FOXP1: variants seen among roughly 807,000 people sequenced by gnomAD.
FOXP1 encodes the protein forkhead box P1, also known as forkhead box protein P1.
Under a neutral mutation model 98.2 loss-of-function variants are expected in FOXP1, and 15 were observed. The observed-to-expected ratio is 0.15, with a 90% CI of 0.10 to 0.24. The LOEUF (loss-of-function observed/expected upper bound fraction) is 0.24. Among genes scored for constraint, FOXP1 ranks in the 10% least tolerant of loss-of-function variants. The pLI is 1.00. For synonymous variants in FOXP1, 371 were observed against 314.5 expected, an observed-to-expected ratio of 1.18 and a Z score of -1.90; for missense variants, 633 against 848.5, an observed-to-expected ratio of 0.75 and a Z score of 3.15.
chr3:70,989,087 T>G (rs993123025), intron 13 of FOXP1, among the ~76,000 whole-genome samples: 1 of 152,160 alleles, frequency 6.6e-6, no homozygotes, highest in Non-Finnish European at 1.5e-5. Flanking sequence ...CTTAAATCCT[T>G]TAAAAATAAA....
intron 5 of FOXP1, among the ~76,000 whole-genome samples, chr3:71,260,692 G>A (rs757618447): frequency 1.3e-5 from 2 of 151,994 alleles, no homozygotes; most frequent in Non-Finnish European, 2.9e-5. Flanking sequence ...ACAGGCGCAC[G>A]TCACCATGCC....
chr3:71,014,978 T>A (rs943222711), intron 12 of FOXP1, among the ~76,000 whole-genome samples: 4 of 141,980 alleles, frequency 2.8e-5, no homozygotes, highest in African/African-American at 1.0e-4. Flanking sequence ...ACATCACACA[T>A]CAGGGCCTGT....
intron 3 of FOXP1, among the ~76,000 whole-genome samples, chr3:71,486,770 T>C (rs1454129377): frequency 6.6e-6 from 1 of 152,212 alleles, no homozygotes; most frequent in Non-Finnish European, 1.5e-5. Context: ...TTTGCTTCTG[T>C]GCATTACTTG....
chr3:71,198,432 G>GGGGCCCCCCCCC, intron 5 of FOXP1, 40 bp from the exon 6 acceptor site: 1 of 491,034 alleles, frequency 2.0e-6, no homozygotes, highest in Non-Finnish European at 4.0e-6. Context: ...GGGAGGGGGG[G>GGGGCCCCCCCCC]AGAAAAAAAA....
At chr3:70,990,995 G>C (rs776550531) in intron 13 of FOXP1, among the ~76,000 whole-genome samples, 33 of 151,720 alleles carry the variant, frequency 2.2e-4, no homozygotes, top group Non-Finnish European at 1.6e-4. Flanking sequence ...ATGAGGTCTT[G>C]CACATAACAA....
chr3:71,323,220 C>T (rs1048688925), intron 4 of FOXP1, among the ~76,000 whole-genome samples: 1 of 152,116 alleles, frequency 6.6e-6, no homozygotes, highest in Non-Finnish European at 1.5e-5. Flanking sequence ...CCGCCCGCCT[C>T]GGCCTTGGTA....
At chr3:71,216,447 G>T (rs1164347622) in intron 5 of FOXP1, among the ~76,000 whole-genome samples, 2 of 152,148 alleles carry the variant, frequency 1.3e-5, no homozygotes, top group African/African-American at 4.8e-5. Flanking sequence ...AAACAGAATG[G>T]TTGATTTGAA....
Position 70,977,061 on chromosome 3 carries a change from C to T in FOXP1, c.1429-19G>A. ...GAATGGCCTGTGAAGCAGAATGTAA[C>T]AGAAGATAATTTATGACCAAATCAG... On this transcript the variant is annotated intron_variant, in intron 16 of 20. Transcript: ENST00000649528. 5.2e-6 allele frequency: 8 copies of T among 1,527,070 alleles called. No homozygotes were observed. The highest frequency in any genetic ancestry group is 6.4e-6 in the Non-Finnish European group (7 of 1,100,836). The allele number at this position is 1,527,070 out of a possible 1,614,324, so 94.6% of individuals were successfully genotyped here.
In FOXP1 at chr3:70,959,127, G is replaced by A. The variant is rs374543661; in HGVS notation, c.*120C>T. On this transcript the variant is annotated 3_prime_UTR_variant, in exon 21 of 21. Coordinates refer to ENST00000649528, the MANE Select transcript of FOXP1 (RefSeq NM_001349338.3). The stretch of plus-strand genomic sequence containing the variant: ...TAACACATTTCAGAGTTGTCAAAAC[G>A]TAGTGAAAATCCTCCAGACTGTACA... 4.3e-6 allele frequency: 5 copies of A among 1,150,600 alleles called. No individual in the cohort carries two copies. Among genetic ancestry groups the A allele is most frequent in the South Asian group, 2.6e-5 (2 of 77,206 alleles). 71.3% of individuals were successfully genotyped at this position (1,150,600 alleles called of 1,614,324 possible). A position where few individuals can be genotyped will look rare whatever the true frequency, so the allele number is the denominator to read the frequency against.
At chr3:71,129,505 G>T (rs1048346927) in intron 6 of FOXP1, among the ~76,000 whole-genome samples, 3 of 152,108 alleles carry the variant, frequency 2.0e-5, no homozygotes, top group Non-Finnish European at 4.4e-5. Context: ...ACTAGCAAAC[G>T]AGGTTCACAG....
intron 2 of FOXP1, among the ~76,000 whole-genome samples, chr3:71,529,379 GAAAT>G (rs1262808070): frequency 6.6e-6 from 1 of 152,190 alleles, no homozygotes; most frequent in East Asian, 1.9e-4. Flanking sequence ...GACATAATAA[GAAAT>G]AAATATTTGG....
rs1229668460 is a variant in FOXP1 at position 71,518,276 on chromosome 3, A to G, written c.-297-24721T>C. Among the ~76,000 whole-genome samples, 4 of 152,180 alleles carry G rather than the reference A, an allele frequency of 2.6e-5. No homozygotes were observed. The East Asian group carries it at 7.7e-4, about 29-fold the overall frequency. ...CAGCAAAAAGATTCCCTGACTCCAA[A>G]TTCCTACCCTTGTTAGGCAAACAGA... On this transcript the variant is annotated intron_variant, in intron 2 of 20. Transcript: ENST00000649528.
In FOXP1 at chr3:71,581,622, C is replaced by A; in HGVS notation, c.-371G>T. On this transcript the variant is annotated 5_prime_UTR_variant, in exon 2 of 21. Coordinates refer to ENST00000649528, the MANE Select transcript of FOXP1 (RefSeq NM_001349338.3). ...GGAGGCGCCGGCAGCACCATGGTCCCCGGCGCCGCTGCCGCTGCCCCCGGC... is the reference window on the plus strand; with the variant it reads ...GGAGGCGCCGGCAGCACCATGGTCCACGGCGCCGCTGCCGCTGCCCCCGGC... 1 of 985,814 alleles carries A rather than the reference C, an allele frequency of 1.0e-6. No individual in the cohort carries two copies. The highest frequency in any genetic ancestry group is 4.6e-5 in the South Asian group (1 of 21,542). 61.1% of individuals were successfully genotyped at this position (985,814 alleles called of 1,614,324 possible).
chr3:71,365,521 G>A (rs1032174020), intron 3 of FOXP1, among the ~76,000 whole-genome samples: 7 of 151,304 alleles, frequency 4.6e-5, no homozygotes, highest in Non-Finnish European at 8.8e-5. Flanking sequence ...AGATAGTGTA[G>A]GTAACAGTCA....
rs1311332844 is a variant in FOXP1, at chr3:70,973,249, G to GC, written c.1531-574dup. Among the ~76,000 whole-genome samples the GC allele has an allele frequency of 1.9e-4, 9 of 47,030 alleles. No homozygotes were observed. The South Asian group carries it at 2.1e-3, about 11-fold the overall frequency. The allele number at this position is 47,030 out of a possible 152,430, so 30.9% of individuals were successfully genotyped here. On this transcript the variant is annotated intron_variant, in intron 17 of 20. Transcript: ENST00000649528. ...TGAACGGACCCCCCGCCCCCGCCCCGCCCCGCCCCGGTCAAGAGATCAGTA... is the reference window on the plus strand; with the variant it reads ...TGAACGGACCCCCCGCCCCCGCCCCGCCCCCGCCCCGGTCAAGAGATCAGTA...
At chr3:70,965,853 T>G (rs758355493) in intron 20 of FOXP1, 37 bp downstream of exon 20, 63 of 1,604,122 alleles carry the variant, frequency 3.9e-5, no homozygotes, top group Admixed American at 3.0e-4. Flanking sequence ...GAGACTAGGG[T>G]CAGATAGCAA....
chr3:71,245,093 TC>T (rs1292766056), intron 5 of FOXP1: 4 of 152,164 alleles, frequency 2.6e-5, no homozygotes, highest in South Asian at 2.1e-4. Flanking sequence ...AAGCGAGAGT[TC>T]CGTAGGATTT....
At chr3:71,437,142 A>G (rs1261502596) in intron 3 of FOXP1, among the ~76,000 whole-genome samples, 8 of 152,142 alleles carry the variant, frequency 5.3e-5, no homozygotes, top group Non-Finnish European at 1.0e-4. Flanking sequence ...GCTGGGCATG[A>G]TGGCTCATTC....
intron 19 of FOXP1, chr3:70,969,802 G>C (rs1256070166): frequency 6.6e-6 from 1 of 152,182 alleles, no homozygotes; most frequent in Non-Finnish European, 1.5e-5. Context: ...ATGCTGCAGA[G>C]GACTGCAATG....
Sources: gnomAD v4.1 joint callset for allele counts (sites outside exome capture counted in the v4.1 genomes callset) on GRCh38, gnomAD v4.1.1 for gene constraint, MANE v1.5 for transcripts, NCBI Gene and HGNC (gene_info 2026-07-23, HGNC 2026-07-21) for gene names.